EPS15: variants seen among roughly 807,000 people sequenced by gnomAD.
The protein encoded by EPS15 is epidermal growth factor receptor pathway substrate 15, also known as epidermal growth factor receptor substrate 15.
Under a neutral mutation model 113.8 loss-of-function variants are expected in EPS15, and 72 were observed. The ratio of observed to expected loss-of-function variants is 0.63; its 90% confidence interval spans 0.52 to 0.77. The LOEUF (loss-of-function observed/expected upper bound fraction) is 0.77. EPS15 is among the 30% of genes least tolerant of loss of function. The probability of loss-of-function intolerance (pLI) is 0.00; values close to 1 mark genes in which losing one functional copy is unlikely to be tolerated. For missense variants in EPS15, 1,048 were observed against 1,045.8 expected (o/e 1.00, Z -0.03); for synonymous variants, 344 against 363.4 (o/e 0.95, Z 0.61).
At chr1:51,482,805 A>AT (rs1644045921) in intron 1 of EPS15, among the ~76,000 whole-genome samples, 1 of 151,980 alleles carries the variant, frequency 6.6e-6, no homozygotes, top group African/African-American at 2.4e-5. Context: ...GGGGCTGAAC[A>AT]TTGACAATGG....
chr1:51,488,904 T>C (rs1358013162), intron 1 of EPS15, among the ~76,000 whole-genome samples: 1 of 152,216 alleles, frequency 6.6e-6, no homozygotes, highest in Non-Finnish European at 1.5e-5. Flanking sequence ...AAATGCCTTC[T>C]GACTCCTAAC....
chr1:51,516,897 A>C (rs1253763179), intron 1 of EPS15, among the ~76,000 whole-genome samples: 1 of 152,200 alleles, frequency 6.6e-6, no homozygotes, highest in South Asian at 2.1e-4. Context: ...GATGGATTAA[A>C]AGATGTCCCT....
At chr1:51,488,868 C>T (rs768464227) in intron 1 of EPS15, among the ~76,000 whole-genome samples, 1 of 152,140 alleles carries the variant, frequency 6.6e-6, no homozygotes, top group Non-Finnish European at 1.5e-5. Context: ...TGTCCAACTC[C>T]GAGGATGTGC....
chr1:51,496,219 C>T (rs907059629), intron 1 of EPS15, among the ~76,000 whole-genome samples: 2 of 152,280 alleles, frequency 1.3e-5, no homozygotes, highest in South Asian at 2.1e-4. Flanking sequence ...CAAAGTTACA[C>T]ACCTAGTTAA....
chr1:51,422,039 C>A, intron 12 of EPS15, 181 bp from the exon 13 acceptor site: 3 of 1,260,156 alleles, frequency 2.4e-6, no homozygotes, highest in South Asian at 2.9e-5. Context: ...AATATAAGCT[C>A]CATTTGTAAA....
In EPS15 at chr1:51,453,911, G is replaced by A. The variant is rs181556746; in HGVS notation, c.562-5776C>T. Among the ~76,000 whole-genome samples, 23 of 152,062 alleles carry A rather than the reference G, an allele frequency of 1.5e-4. No homozygotes were observed. In the East Asian group the frequency reaches 2.5e-3, roughly 17 times the overall value. The stretch of plus-strand genomic sequence containing the variant: ...CTAAAAATACAAAAATTAGCTGGGC[G>A]TGGTGGCAGGTGCCTATAAACCCAG... On this transcript the variant is annotated intron_variant, in intron 8 of 24. Transcript: ENST00000371733.
chr1:51,434,295 A>T (rs1557465577), intron 12 of EPS15, among the ~76,000 whole-genome samples: 2 of 152,220 alleles, frequency 1.3e-5, no homozygotes, highest in Non-Finnish European at 2.9e-5. Context: ...AAACAACCCA[A>T]ATGTCCATCA....
chr1:51,392,875 A>C (rs1299537374), intron 21 of EPS15, among the ~76,000 whole-genome samples: 1 of 152,116 alleles, frequency 6.6e-6, no homozygotes, highest in Non-Finnish European at 1.5e-5. Context: ...TTAACCTTTC[A>C]TTTTATTCTC....
chr1:51,447,127 G>T, intron 9 of EPS15, 22 bp from the exon 10 acceptor site: 1 of 1,575,030 alleles, frequency 6.3e-7, no homozygotes, highest in Admixed American at 2.1e-5. Context: ...AAAAAAAACA[G>T]TATTTCTGCC....
intron 1 of EPS15, among the ~76,000 whole-genome samples, chr1:51,516,331 A>G (rs1644715816): frequency 6.6e-6 from 1 of 152,186 alleles, no homozygotes; most frequent in Non-Finnish European, 1.5e-5. Context: ...ATTTTTGTTC[A>G]TGAGTATATA....
chr1:51,440,665 T>C (rs547547428), intron 11 of EPS15, among the ~76,000 whole-genome samples: 2 of 152,000 alleles, frequency 1.3e-5, no homozygotes, highest in Non-Finnish European at 2.9e-5. Context: ...TATTCTATAC[T>C]ATGTACCCCA....
At chr1:51,483,022 T>C (rs955174197) in intron 1 of EPS15, among the ~76,000 whole-genome samples, 1 of 152,160 alleles carries the variant, frequency 6.6e-6, no homozygotes, top group Non-Finnish European at 1.5e-5. Context: ...AATGAAAAAT[T>C]CCAGAAATAA....
chr1:51,422,006 C>A, intron 12 of EPS15, 148 bp from the exon 13 acceptor site: 6 of 1,308,250 alleles, frequency 4.6e-6, no homozygotes, highest in East Asian at 2.9e-5. Context: ...TACCCTCTTT[C>A]AATTATTTAT....
intron 1 of EPS15, among the ~76,000 whole-genome samples, chr1:51,484,856 T>G (rs1644091571): frequency 1.3e-5 from 2 of 152,230 alleles, no homozygotes; most frequent in Non-Finnish European, 1.5e-5. Context: ...GCTATGTCAG[T>G]GGGAAATTGC....
intron 21 of EPS15, among the ~76,000 whole-genome samples, chr1:51,388,954 CCTAA>C (rs1459724358): frequency 2.0e-5 from 3 of 152,166 alleles, no homozygotes; most frequent in African/African-American, 7.2e-5. Context: ...GGGAATCCTC[CCTAA>C]CTCATTTTAT....
intron 21 of EPS15, among the ~76,000 whole-genome samples, chr1:51,385,121 G>A (rs776850932): frequency 2.6e-5 from 4 of 151,998 alleles, no homozygotes; most frequent in Non-Finnish European, 5.9e-5. Context: ...GTTCACCAAC[G>A]GACAGTACTA....
At chr1:51,393,078 T>C (rs1187244139) in intron 21 of EPS15, among the ~76,000 whole-genome samples, 1 of 152,222 alleles carries the variant, frequency 6.6e-6, no homozygotes, top group East Asian at 1.9e-4. Flanking sequence ...TTAAATCTTA[T>C]TTTCTACATA....
At chr1:51,399,340 C>T (rs1648283851) in intron 19 of EPS15, among the ~76,000 whole-genome samples, 175 bp from the exon 20 acceptor site, 1 of 151,728 alleles carries the variant, frequency 6.6e-6, no homozygotes, top group African/African-American at 2.4e-5. Flanking sequence ...CACTTGAGGT[C>T]AGGAGTTCAA....
intron 16 of EPS15, 32 bp from the exon 17 acceptor site, chr1:51,403,564 T>A: frequency 7.9e-7 from 1 of 1,261,894 alleles, no homozygotes; most frequent in Non-Finnish European, 1.1e-6. Flanking sequence ...AGATTAACAA[T>A]ATACTTTTTG....
Sources: allele counts gnomAD v4.1 joint callset (sites outside exome capture counted in the v4.1 genomes callset), GRCh38; gene constraint gnomAD v4.1.1; transcripts MANE v1.5; gene names NCBI Gene and HGNC (gene_info 2026-07-23, HGNC 2026-07-21).